Variants in NAP1L1 observed in about 807,000 individuals in gnomAD.
NAP1L1 encodes the protein nucleosome assembly protein 1 like 1.
NAP1L1 carries 9 observed loss-of-function variants against 58.9 expected under a neutral mutation model. That is an observed-to-expected ratio of 0.15 (90% CI 0.09 to 0.27). NAP1L1 has a LOEUF of 0.27. Ranked by LOEUF, NAP1L1 falls within the 10% of genes least tolerant of loss-of-function variation. The pLI is 1.00. For synonymous variants in NAP1L1, 130 were observed against 138.3 expected (o/e 0.94, Z 0.42); for missense variants, 302 against 458.8 (o/e 0.66, Z 3.12).
chr12:76,064,037 A>G (rs1949544247), intron 4 of NAP1L1, among the ~76,000 whole-genome samples: 1 of 151,322 alleles, frequency 6.6e-6, no homozygotes, highest in Non-Finnish European at 1.5e-5. Context: ...GCATGATGAT[A>G]TGTACCTGTG....
At chr12:76,050,405 A>G in intron 12 of NAP1L1, 126 bp downstream of exon 12, 2 of 1,185,916 alleles carry the variant, frequency 1.7e-6, no homozygotes, top group Middle Eastern at 3.1e-4. Flanking sequence ...TATACAGAAC[A>G]TCAGTAATTA....
intron 1 of NAP1L1, among the ~76,000 whole-genome samples, chr12:76,081,615 G>A (rs2137122012): frequency 6.6e-6 from 1 of 152,218 alleles, no homozygotes; most frequent in East Asian, 1.9e-4. Flanking sequence ...AAATTAAAAT[G>A]TACAAAACTT....
chr12:76,056,648 C>A (rs770317708), intron 6 of NAP1L1: 1 of 454,956 alleles, frequency 2.2e-6, no homozygotes, highest in Non-Finnish European at 4.4e-6. Flanking sequence ...CATGTCTTCA[C>A]TTGAAAATGG....
rs755414715 is a variant in NAP1L1, at chr12:76,040,058, G to C, written c.*8371C>G. On this transcript the variant is annotated 3_prime_UTR_variant, in exon 15 of 15. Coordinates refer to ENST00000618691, the MANE Select transcript of NAP1L1 (RefSeq NM_004537.7). ...GTCTGAGGGAGTTCACTACGTTATA[G>C]CTTGAATTATAGCTGGAAATCAATT... The C allele has an allele frequency of 5.3e-5, 8 of 152,106 alleles. No individual in the cohort carries two copies. The highest frequency in any genetic ancestry group is 7.2e-5 in the African/African-American group (3 of 41,404). The allele number at this position is 152,106 out of a possible 1,614,324, so 9.4% of individuals were successfully genotyped here.
At chr12:76,050,363 T>A (rs767606266) in intron 12 of NAP1L1, among the ~76,000 whole-genome samples, 168 bp downstream of exon 12, 1 of 152,146 alleles carries the variant, frequency 6.6e-6, no homozygotes, top group Non-Finnish European at 1.5e-5. Context: ...CCAAAAATCC[T>A]AAGGAGACAT....
rs1461238562 is a variant in NAP1L1 at position 76,048,360 on chromosome 12, G to C, written c.*69C>G. ...CAAGAAAATACAAAAACATAAGGCTGTAAGTAAATAAGAGTTGTGTTTAGG... is the reference window on the plus strand; with the variant it reads ...CAAGAAAATACAAAAACATAAGGCTCTAAGTAAATAAGAGTTGTGTTTAGG... On this transcript the variant is annotated 3_prime_UTR_variant, in exon 15 of 15. Coordinates refer to ENST00000618691, the MANE Select transcript of NAP1L1 (RefSeq NM_004537.7). The C allele has an allele frequency of 1.9e-6, 3 of 1,544,420 alleles. No individual in the cohort carries two copies. The Admixed American group carries it at 5.3e-5, about 27-fold the overall frequency.
At chr12:76,082,323 G>A (rs1420601489) in intron 1 of NAP1L1, among the ~76,000 whole-genome samples, 2 of 152,146 alleles carry the variant, frequency 1.3e-5, no homozygotes, top group Non-Finnish European at 2.9e-5. Context: ...AATAAAATGA[G>A]ATGGCATTTT....
At chr12:76,064,737 T>C (rs1181052056) in intron 4 of NAP1L1, among the ~76,000 whole-genome samples, 1 of 152,016 alleles carries the variant, frequency 6.6e-6, no homozygotes, top group African/African-American at 2.4e-5. Context: ...AATATGTACA[T>C]GTTTAAAATA....
rs964211060 is a variant in NAP1L1 at position 76,037,509 on chromosome 12, A to G, written c.*10920T>C. 3 of 152,270 alleles carry G rather than the reference A, an allele frequency of 2.0e-5. No individual in the cohort carries two copies. Among genetic ancestry groups the G allele is most frequent in the Admixed American group, 6.5e-5 (1 of 15,284 alleles). The allele number at this position is 152,270 out of a possible 1,614,324, so 9.4% of individuals were successfully genotyped here. A position where few individuals can be genotyped will look rare whatever the true frequency, so the allele number is the denominator to read the frequency against. On this transcript the variant is annotated 3_prime_UTR_variant, in exon 15 of 15. Transcript: ENST00000618691. ...ATCCATACTCATACACATGGCCTTC[A>G]GTTTTACTCTTAAAACATGACAGAA...
intron 12 of NAP1L1, 41 bp downstream of exon 12, chr12:76,050,490 C>G (rs1341264222): frequency 6.3e-7 from 1 of 1,580,774 alleles, no homozygotes. Flanking sequence ...ACCACTATAC[C>G]CTCAACCAAT....
At chr12:76,057,754 T>A in intron 6 of NAP1L1, 1 of 1,550,018 alleles carries the variant, frequency 6.5e-7, no homozygotes, top group East Asian at 2.4e-5. Flanking sequence ...TGTGGAAAAT[T>A]CACCCAAACA....
In NAP1L1 at chr12:76,053,844, T is replaced by C; in HGVS notation, c.696A>G (p.Thr232=). ...CATCTGGTTCTGACCTCATCCTGTA[T>C]GTCTTTGTCAGCACTTCATTTGTAA... ...EYFTNEVLTK[T]YRMRSEPDDS... is the part of the protein sequence containing the mutation. The change falls in exon 9 of 15, where the codon ACA becomes ACG. Residue 232 remains threonine (T), a synonymous_variant. Coordinates refer to ENST00000618691, the MANE Select transcript of NAP1L1 (RefSeq NM_004537.7). The C allele has an allele frequency of 6.3e-7, 1 of 1,593,858 alleles. No individual in the cohort carries two copies. Among genetic ancestry groups the C allele is most frequent in the Non-Finnish European group, 8.5e-7 (1 of 1,175,152 alleles).
rs924569416 is a variant in NAP1L1 at position 76,043,531 on chromosome 12, T to C, written c.*4898A>G. On this transcript the variant is annotated 3_prime_UTR_variant, in exon 15 of 15. Transcript: ENST00000618691. ...ATGGAATGGTCATCCTCATCCTCAC[T>C]TGAAATACTCTTGTAACAGGTGGTT... The C allele has an allele frequency of 1.3e-5, 2 of 151,788 alleles. No homozygotes were observed. The highest frequency in any genetic ancestry group is 1.9e-4 in the East Asian group (1 of 5,188). 9.4% of individuals were successfully genotyped at this position (151,788 alleles called of 1,614,324 possible). A position where few individuals can be genotyped will look rare whatever the true frequency, so the allele number is the denominator to read the frequency against.
intron 6 of NAP1L1, among the ~76,000 whole-genome samples, chr12:76,059,304 AATC>A (rs1381343536): frequency 1.3e-5 from 2 of 152,266 alleles, no homozygotes. Flanking sequence ...TTAGACATTT[AATC>A]ATCATCGTTC....
intron 1 of NAP1L1, among the ~76,000 whole-genome samples, chr12:76,074,846 A>C (rs572492334): frequency 1.8e-4 from 27 of 152,280 alleles, no homozygotes; most frequent in African/African-American, 6.0e-4. Context: ...AGCCTTCCCT[A>C]TCTCTCCAAA....
chr12:76,050,456 T>G, intron 12 of NAP1L1, 75 bp downstream of exon 12: 1 of 1,495,428 alleles, frequency 6.7e-7, no homozygotes, highest in Non-Finnish European at 8.9e-7. Flanking sequence ...TCTTAAAAAC[T>G]AAACTAATCT....
chr12:76,076,533 C>A (rs1950174782), intron 1 of NAP1L1, among the ~76,000 whole-genome samples: 1 of 130,266 alleles, frequency 7.7e-6, no homozygotes, highest in Non-Finnish European at 1.7e-5. Flanking sequence ...ATGCCGAAAT[C>A]CCCTTTGGAT....
intron 1 of NAP1L1, among the ~76,000 whole-genome samples, chr12:76,076,521 G>A (rs1176905041): frequency 7.1e-6 from 1 of 141,242 alleles, no homozygotes; most frequent in South Asian, 2.3e-4. Context: ...GGTATAGGAT[G>A]TATGCCGAAA....
Position 76,040,600 on chromosome 12 carries a change from C to T in NAP1L1, c.*7829G>A, listed in dbSNP as rs1948542711. 6.6e-6 allele frequency: 1 copy of T among 151,656 alleles called. No homozygotes were observed. The highest frequency in any genetic ancestry group is 6.6e-5 in the Admixed American group (1 of 15,254). The allele number at this position is 151,656 out of a possible 1,614,324, so 9.4% of individuals were successfully genotyped here. ...GCACTATCTCGGCTCACTGCAACCTCCACCTCCCGAGTTCAGTCAATTCTT... is the reference window on the plus strand; with the variant it reads ...GCACTATCTCGGCTCACTGCAACCTTCACCTCCCGAGTTCAGTCAATTCTT... On this transcript the variant is annotated 3_prime_UTR_variant, in exon 15 of 15. Coordinates refer to ENST00000618691, the MANE Select transcript of NAP1L1 (RefSeq NM_004537.7).
Sources: allele counts gnomAD v4.1 joint callset (sites outside exome capture counted in the v4.1 genomes callset), GRCh38; gene constraint gnomAD v4.1.1; transcripts MANE v1.5; gene names NCBI Gene and HGNC (gene_info 2026-07-23, HGNC 2026-07-21).